The following PRKG1 variants were observed in gnomAD, a reference collection of about 807,000 sequenced individuals.
PRKG1 encodes protein kinase cGMP-dependent 1.
PRKG1 carries 35 observed loss-of-function variants against 88.1 expected under a neutral mutation model. The observed-to-expected ratio is 0.40, with a 90% CI of 0.30 to 0.53. PRKG1 has a LOEUF of 0.53. Among genes scored for constraint, PRKG1 ranks in the 20% least tolerant of loss-of-function variants. The pLI, the probability that PRKG1 is intolerant of heterozygous loss-of-function variation, is 0.59. For missense variants in PRKG1, 540 were observed against 839.8 expected, an observed-to-expected ratio of 0.64 and a Z score of 4.41; for synonymous variants, 303 against 292.5, an observed-to-expected ratio of 1.04 and a Z score of -0.37.
In PRKG1 at chr10:51,788,898, A is replaced by G. The variant is rs932885968; in HGVS notation, c.593-15687A>G. ...CTTCAAGAAATGAGATTAATTAAGG[A>G]TATGTCAAATATATGGCTTCTGGCA... On this transcript the variant is annotated intron_variant, in intron 3 of 17. Transcript: ENST00000373980. Among the ~76,000 whole-genome samples, 27 of 152,166 alleles carry G rather than the reference A, an allele frequency of 1.8e-4. 1 individual carries two copies. Among genetic ancestry groups the G allele is most frequent in the Admixed American group, 1.2e-3 (19 of 15,266 alleles).
intron 1 of PRKG1, among the ~76,000 whole-genome samples, chr10:51,036,877 T>C (rs1404770227): frequency 1.3e-5 from 2 of 152,194 alleles, no homozygotes; most frequent in East Asian, 3.9e-4. Context: ...ATTCAATAGT[T>C]GCAATTCAAC....
At chr10:51,359,253 A>C (rs1038203091) in intron 2 of PRKG1, among the ~76,000 whole-genome samples, 1 of 151,948 alleles carries the variant, frequency 6.6e-6, no homozygotes, top group Non-Finnish European at 1.5e-5. Context: ...ATAATTATTT[A>C]AGTTAAAATT....
chr10:51,333,728 T>G (rs1007524942), intron 2 of PRKG1, among the ~76,000 whole-genome samples: 2 of 152,196 alleles, frequency 1.3e-5, no homozygotes, highest in Non-Finnish European at 2.9e-5. Flanking sequence ...GTGAACATGA[T>G]TTTTCATGCT....
At chr10:51,291,559 A>C (rs1840583525) in intron 2 of PRKG1, among the ~76,000 whole-genome samples, 1 of 152,144 alleles carries the variant, frequency 6.6e-6, no homozygotes, top group Non-Finnish European at 1.5e-5. Context: ...TAACTAAATC[A>C]TTCACTGTAA....
intron 17 of PRKG1, among the ~76,000 whole-genome samples, chr10:52,292,273 C>T (rs944730221): frequency 1.2e-4 from 18 of 151,440 alleles, no homozygotes; most frequent in African/African-American, 4.1e-4. Context: ...TTAATTAGAT[C>T]CCATTTGTCA....
chr10:51,595,330 A>T (rs1035354025), intron 3 of PRKG1, among the ~76,000 whole-genome samples: 1 of 152,028 alleles, frequency 6.6e-6, no homozygotes, highest in African/African-American at 2.4e-5. Flanking sequence ...TCAAAAAATA[A>T]ACAGATAAAA....
chr10:51,235,949 A>C (rs1038014449), intron 2 of PRKG1, among the ~76,000 whole-genome samples: 1 of 152,176 alleles, frequency 6.6e-6, no homozygotes, highest in Non-Finnish European at 1.5e-5. Context: ...CAAATTTTGA[A>C]TGTATCAGAA....
intron 5 of PRKG1, among the ~76,000 whole-genome samples, chr10:51,928,933 T>A (rs1458626587): frequency 2.0e-5 from 3 of 152,210 alleles, no homozygotes; most frequent in African/African-American, 4.8e-5. Context: ...AATATTGCCC[T>A]TGGCCACTCA....
intron 3 of PRKG1, among the ~76,000 whole-genome samples, chr10:51,557,897 C>T (rs1193679214): frequency 2.0e-5 from 3 of 151,854 alleles, no homozygotes; most frequent in Non-Finnish European, 4.4e-5. Flanking sequence ...TGAAACACTG[C>T]CTCAGAGACT....
At chr10:51,602,197 T>A (rs1336306853) in intron 3 of PRKG1, among the ~76,000 whole-genome samples, 2 of 152,130 alleles carry the variant, frequency 1.3e-5, no homozygotes, top group Non-Finnish European at 2.9e-5. Flanking sequence ...TACTTGAGAT[T>A]TGAACAACCC....
At chr10:52,240,655 T>C (rs927780083) in intron 9 of PRKG1, among the ~76,000 whole-genome samples, 2 of 152,156 alleles carry the variant, frequency 1.3e-5, no homozygotes, top group East Asian at 3.9e-4. Flanking sequence ...TGGGACTTAA[T>C]TCATTTGATT....
chr10:52,034,714 C>A (rs1845559760), intron 5 of PRKG1, among the ~76,000 whole-genome samples: 2 of 151,698 alleles, frequency 1.3e-5, no homozygotes, highest in Admixed American at 6.6e-5. Flanking sequence ...AAGAGCAGGG[C>A]ATGTATGAGT....
At chr10:52,106,160 CAG>C (rs1462635502) in intron 7 of PRKG1, among the ~76,000 whole-genome samples, 2 of 152,124 alleles carry the variant, frequency 1.3e-5, no homozygotes, top group Non-Finnish European at 2.9e-5. Flanking sequence ...AATAAAATAA[CAG>C]AGTCTCCAAA....
intron 2 of PRKG1, among the ~76,000 whole-genome samples, chr10:51,225,135 G>A (rs1231998749): frequency 6.6e-6 from 1 of 152,194 alleles, no homozygotes; most frequent in Non-Finnish European, 1.5e-5. Context: ...CAGTTCTGGA[G>A]TTTGGAAGAT....
intron 5 of PRKG1, among the ~76,000 whole-genome samples, chr10:51,970,939 T>C (rs1416700920): frequency 1.3e-5 from 2 of 151,110 alleles, no homozygotes. Flanking sequence ...TGCCAAAAGC[T>C]AGAAATAATG....
intron 1 of PRKG1, among the ~76,000 whole-genome samples, chr10:51,101,873 C>G (rs141790275): frequency 6.6e-6 from 1 of 152,124 alleles, no homozygotes; most frequent in African/African-American, 2.4e-5. Flanking sequence ...AAAATTGAGG[C>G]TAAAAATAGA....
chr10:51,531,249 T>C (rs1283048688), intron 3 of PRKG1, among the ~76,000 whole-genome samples: 1 of 152,194 alleles, frequency 6.6e-6, no homozygotes, highest in Admixed American at 6.5e-5. Flanking sequence ...AAGTATGCAA[T>C]AAGCTTGTAA....
At chr10:51,397,052 C>T (rs1455667355) in intron 2 of PRKG1, among the ~76,000 whole-genome samples, 1 of 152,008 alleles carries the variant, frequency 6.6e-6, no homozygotes, top group Non-Finnish European at 1.5e-5. Flanking sequence ...AAGCAGGCAG[C>T]CAGCCCATGA....
intron 4 of PRKG1, among the ~76,000 whole-genome samples, chr10:51,866,486 C>CTATT (rs141670866): frequency 0.029 from 4,349 of 152,108 alleles, 223 homozygotes; most frequent in African/African-American, 0.098. Context: ...AAAGTATCTA[C>CTATT]TATTAGCTTA....
Sources: gnomAD v4.1 joint callset for allele counts (sites outside exome capture counted in the v4.1 genomes callset) on GRCh38, gnomAD v4.1.1 for gene constraint, MANE v1.5 for transcripts, NCBI Gene and HGNC (gene_info 2026-07-23, HGNC 2026-07-21) for gene names.